Variants in MYH7B observed in about 807,000 individuals in gnomAD.
MYH7B encodes the protein myosin-7B.
MYH7B carries 205 observed loss-of-function variants against 234.5 expected under a neutral mutation model. The ratio of observed to expected loss-of-function variants is 0.87; its 90% CI spans 0.78 to 0.98. The LOEUF (loss-of-function observed/expected upper bound fraction) is 0.98. MYH7B is among the 50% of genes least tolerant of loss of function. The pLI, the probability that MYH7B is intolerant of heterozygous loss-of-function variation, is 0.00. For synonymous variants in MYH7B, 1,193 were observed against 1,105.0 expected (o/e 1.08, Z -1.58); for missense variants, 2,652 against 2,633.4 (o/e 1.01, Z -0.15).
At chr20:34,999,750 T>TCTCC in intron 37 of MYH7B, 41 bp from the exon 38 acceptor site, 1 of 1,320,532 alleles carries the variant, frequency 7.6e-7, no homozygotes, top group South Asian at 1.4e-5. Context: ...CCACTGGCCA[T>TCTCC]CCCCCCCCCC....
Position 34,982,626 on chromosome 20 carries a change from T to C in MYH7B, c.624+71T>C, listed in dbSNP as rs900983502. The C allele has an allele frequency of 4.3e-5, 57 of 1,326,614 alleles. No individual in the cohort carries two copies. In the African/African-American group the frequency reaches 8.4e-4, roughly 19 times the overall value. The allele number at this position is 1,326,614 out of a possible 1,614,324, so 82.2% of individuals were successfully genotyped here. ...TTTTCTTTTCTTTCTTCCTCTCTTTTTTTTTTTTCCCCCTTTTTAAAAATT... is the reference window on the plus strand; with the variant it reads ...TTTTCTTTTCTTTCTTCCTCTCTTTCTTTTTTTTCCCCCTTTTTAAAAATT... On this transcript the variant is annotated intron_variant, in intron 10 of 44. Transcript: ENST00000262873.
intron 2 of MYH7B, among the ~76,000 whole-genome samples, chr20:34,965,735 G>A (rs2081735805): frequency 6.6e-6 from 1 of 152,244 alleles, no homozygotes; most frequent in African/African-American, 2.4e-5. Context: ...GGTGACATTT[G>A]AGTGGAGGCT....
intron 24 of MYH7B, 23 bp from the exon 25 acceptor site, chr20:34,993,079 C>A: frequency 6.2e-7 from 1 of 1,604,054 alleles, no homozygotes; most frequent in Non-Finnish European, 8.5e-7. Context: ...CCTCTCCTGA[C>A]CAGCTCTGCC....
At chr20:34,961,515 A>T (rs1348745696) in intron 2 of MYH7B, among the ~76,000 whole-genome samples, 1 of 152,152 alleles carries the variant, frequency 6.6e-6, no homozygotes, top group African/African-American at 2.4e-5. Flanking sequence ...GCACCATAAA[A>T]CTCCCCCTTT....
In MYH7B at chr20:34,999,779, C is replaced by T; in HGVS notation, c.4666-12C>T. 2 of 955,706 alleles carry T rather than the reference C, an allele frequency of 2.1e-6. No homozygotes were observed. Among genetic ancestry groups the T allele is most frequent in the Non-Finnish European group, 3.1e-6 (2 of 645,582 alleles). 59.2% of individuals were successfully genotyped at this position (955,706 alleles called of 1,614,324 possible). ...CCCCCCCCACCCTACCCTGCCTGCT[C>T]TGTATCCACAGGGGGCCCTGGAGCT... is the stretch of plus-strand genomic sequence containing the variant. On this transcript the variant is annotated splice_polypyrimidine_tract_variant and intron_variant, in intron 37 of 44. Transcript: ENST00000262873.
chr20:34,990,657 G>A (rs1177398450), intron 22 of MYH7B, 81 bp from the exon 23 acceptor site: 4 of 1,336,022 alleles, frequency 3.0e-6, no homozygotes, highest in African/African-American at 1.4e-5. Context: ...CCCTGCTCCC[G>A]TCTCGGTCCT....
At position 34,991,139 on chromosome 20, in the gene MYH7B, C is replaced by G. The variant is rs766118384; in HGVS notation, c.2183+18C>G. On this transcript the variant is annotated intron_variant, in intron 24 of 44. Transcript: ENST00000262873. ...CGGCAGCGGTGGGTGACCCCTTCCC[C>G]CTGCCTGCTGCTCCAGGTGGAGGCC... The G allele has an allele frequency of 6.4e-7, 1 of 1,559,116 alleles. No individual in the cohort carries two copies. Among genetic ancestry groups the G allele is most frequent in the East Asian group, 2.2e-5 (1 of 44,636 alleles).
chr20:34,995,563 AGCCACTGAGAACAAGGTGTGGGCCGG>A lies in MYH7B; in HGVS notation c.2933_2943+15del. The A allele has an allele frequency of 1.9e-6, 3 of 1,614,076 alleles. No individual in the cohort carries two copies. The highest frequency in any genetic ancestry group is 1.7e-6 in the Non-Finnish European group (2 of 1,180,040). On this transcript the variant is annotated splice_donor_variant and splice_donor_5th_base_variant and coding_sequence_variant and intron_variant, in exon 28 of 45. Coordinates refer to ENST00000262873, the Ensembl canonical transcript of MYH7B. LOFTEE classifies it high-confidence loss of function. Reference sequence around the variant, plus strand: ...TGGCCAAAGCTGAGAAGGAGAAGCAAGCCACTGAGAACAAGGTGTGGGCCGGGCCAGCTGTGGGGAAGGGCCCTGAG... The same window carrying A: ...TGGCCAAAGCTGAGAAGGAGAAGCAAGCCAGCTGTGGGGAAGGGCCCTGAG...
chr20:34,960,231 G>T (rs536697602), intron 2 of MYH7B, among the ~76,000 whole-genome samples: 32 of 151,878 alleles, frequency 2.1e-4, no homozygotes, highest in African/African-American at 7.2e-4. Flanking sequence ...TGGACTGTGG[G>T]TTTTTTTTGT....
intron 2 of MYH7B, among the ~76,000 whole-genome samples, chr20:34,966,996 C>T (rs531991871): frequency 1.3e-5 from 2 of 151,734 alleles, no homozygotes; most frequent in African/African-American, 2.4e-5. Flanking sequence ...TTTAGGAGGC[C>T]GAGGCGGGTG....
intron 22 of MYH7B, chr20:34,990,511 G>T (rs2082124983): frequency 1.2e-6 from 1 of 863,192 alleles, no homozygotes; most frequent in Non-Finnish European, 2.0e-6. Context: ...TGGGGAAGGG[G>T]TGGGAGCCCT....
At chr20:34,977,708 CGAAGGGAGG>C in intron 4 of MYH7B, 28 bp downstream of exon 4, 1 of 819,470 alleles carries the variant, frequency 1.2e-6, no homozygotes, top group Non-Finnish European at 1.7e-6. Flanking sequence ...GGGTTGGAGC[CGAAGGGAGG>C]GCAGGAGGGT....
At chr20:34,982,603 T>A in intron 10 of MYH7B, 48 bp downstream of exon 10, 2 of 1,418,442 alleles carry the variant, frequency 1.4e-6, no homozygotes, top group Non-Finnish European at 1.9e-6. Flanking sequence ...CTCGCTGTTT[T>A]TCTTTTCTTT....
rs141239626 is a variant in MYH7B, at chr20:34,975,604, C to T, written c.-122+105C>T. On this transcript the variant is annotated intron_variant, in intron 3 of 44. Transcript: ENST00000262873. ...GTAATGGCAAAAGACTGAAAACAAT[C>T]GAAATGTCTACCGAGAGGGGACCCG... The T allele has an allele frequency of 4.3e-5, 28 of 652,524 alleles. No individual in the cohort carries two copies. In the Admixed American group the frequency reaches 6.3e-4, roughly 15 times the overall value. 40.4% of individuals were successfully genotyped at this position (652,524 alleles called of 1,614,324 possible).
Position 34,988,276 on chromosome 20 carries a change from C to T in MYH7B, c.1587+14C>T. 1 of 1,606,166 alleles carries T rather than the reference C, an allele frequency of 6.2e-7. No homozygotes were observed. The highest frequency in any genetic ancestry group is 1.1e-5 in the South Asian group (1 of 90,408). Reference sequence around the variant, plus strand: ...CTCATCGAGAAGGTGGGTGCCGCGGCAAGGTCACTTTGAGGAAGGGAGGGT... The same window carrying T: ...CTCATCGAGAAGGTGGGTGCCGCGGTAAGGTCACTTTGAGGAAGGGAGGGT... On this transcript the variant is annotated intron_variant, in intron 19 of 44. Coordinates refer to ENST00000262873, the Ensembl canonical transcript of MYH7B.
At chr20:34,988,340 G>C in intron 19 of MYH7B, 78 bp downstream of exon 19, 1 of 1,486,994 alleles carries the variant, frequency 6.7e-7, no homozygotes, top group Non-Finnish European at 9.2e-7. Context: ...ACCATGGCTT[G>C]CATGGAAGCC....
At chr20:35,001,859 G>A (rs1453851634) in intron 43 of MYH7B, 89 bp from the exon 44 acceptor site, 10 of 1,528,562 alleles carry the variant, frequency 6.5e-6, no homozygotes, top group South Asian at 1.3e-5. Flanking sequence ...AGAACCAGGA[G>A]GAGCTAGCTC....
At chr20:34,980,927 C>T (rs2081933142) in intron 8 of MYH7B, 106 bp from the exon 9 acceptor site, 6 of 1,549,364 alleles carry the variant, frequency 3.9e-6, no homozygotes, top group Admixed American at 1.7e-5. Flanking sequence ...CTTCCCATTC[C>T]TGGCTCTGGG....
At chr20:34,959,437 C>G (rs1362410459) in intron 2 of MYH7B, among the ~76,000 whole-genome samples, 1 of 151,994 alleles carries the variant, frequency 6.6e-6, no homozygotes, top group Non-Finnish European at 1.5e-5. Flanking sequence ...GTCATCTCAC[C>G]TCTCCGAATC....
Sources: gnomAD v4.1 joint callset for allele counts (sites outside exome capture counted in the v4.1 genomes callset) on GRCh38, gnomAD v4.1.1 for gene constraint, MANE v1.5 for transcripts, NCBI Gene and HGNC (gene_info 2026-07-23, HGNC 2026-07-21) for gene names.